The following COL14A1 variants were observed in gnomAD, a reference collection of about 807,000 sequenced individuals.
The protein encoded by COL14A1 is collagen alpha-1(XIV) chain.
Under a neutral mutation model 230.3 loss-of-function variants are expected in COL14A1, and 136 were observed. That is an observed-to-expected ratio of 0.59 (90% CI 0.51 to 0.68). COL14A1 has a LOEUF of 0.68. Ranked by LOEUF, COL14A1 falls within the 30% of genes least tolerant of loss-of-function variation. The pLI is 0.00. For missense variants in COL14A1, 1,976 were observed against 2,215.8 expected (o/e 0.89, Z 2.17); for synonymous variants, 792 against 784.1 (o/e 1.01, Z -0.17).
In COL14A1 at chr8:120,193,746, G is replaced by C. The variant is rs184812788; in HGVS notation, c.437-3045G>C. Among the ~76,000 whole-genome samples, 499 of 152,284 alleles carry C rather than the reference G, an allele frequency of 3.3e-3. 5 individuals are homozygous for C. The highest frequency in any genetic ancestry group is 0.01 in the African/African-American group (429 of 41,554). Reference sequence around the variant, plus strand: ...TGGTTTGGTTACCTAAGCAAGCCTGGGCAATGGTGGGTGCCCCTCCCCCAG... The same window carrying C: ...TGGTTTGGTTACCTAAGCAAGCCTGCGCAATGGTGGGTGCCCCTCCCCCAG... On this transcript the variant is annotated intron_variant, in intron 5 of 47. Transcript: ENST00000297848.
chr8:120,136,256 T>A (rs567979702), intron 1 of COL14A1, among the ~76,000 whole-genome samples: 4 of 152,246 alleles, frequency 2.6e-5, no homozygotes, highest in Admixed American at 2.6e-4. Context: ...TTGATGCCCT[T>A]TATTAGATTG....
Position 120,162,453 on chromosome 8 carries a change from A to G in COL14A1, c.233A>G (p.Gln78Arg), listed in dbSNP as rs1815711203. The change falls in exon 4 of 48, where the codon CAG becomes CGG. Residue 78 changes from glutamine (Q) to arginine (R), a missense_variant. Gln to Arg is a conservative substitution (Grantham distance 43). Coordinates refer to ENST00000297848, the MANE Select transcript of COL14A1 (RefSeq NM_021110.4). ...GGAAAAACTAACCAGCTGAATCTGC[A>G]GAACACTGCAACTAAAGCAATTATT... ...SGGKTNQLNL[Q>R]NTATKAIIQG... The G allele has an allele frequency of 6.2e-7, 1 of 1,609,530 alleles. No homozygotes were observed. The highest frequency in any genetic ancestry group is 8.5e-7 in the Non-Finnish European group (1 of 1,178,318).
chr8:120,178,511 A>C (rs1000982995), intron 5 of COL14A1, among the ~76,000 whole-genome samples: 3 of 152,150 alleles, frequency 2.0e-5, no homozygotes, highest in African/African-American at 7.2e-5. Flanking sequence ...AGTCTTTGCT[A>C]TTGTGAACAG....
At chr8:120,166,727 G>A (rs113203803) in intron 4 of COL14A1, among the ~76,000 whole-genome samples, 7 of 152,298 alleles carry the variant, frequency 4.6e-5, no homozygotes, top group African/African-American at 1.4e-4. Flanking sequence ...ACAGGAGGGT[G>A]TAGAGAGACA....
At chr8:120,233,368 C>T (rs1159409699) in intron 19 of COL14A1, among the ~76,000 whole-genome samples, 2 of 152,128 alleles carry the variant, frequency 1.3e-5, no homozygotes, top group Non-Finnish European at 2.9e-5. Flanking sequence ...ATGGTATTGC[C>T]TAGGTTTTCT....
chr8:120,307,757 A>G (rs1183924652), intron 36 of COL14A1, among the ~76,000 whole-genome samples: 1 of 152,224 alleles, frequency 6.6e-6, no homozygotes, highest in Admixed American at 6.5e-5. Context: ...GTAAAGTTTG[A>G]TAATATTCAG....
At chr8:120,224,117 C>A (rs1057171294) in intron 14 of COL14A1, among the ~76,000 whole-genome samples, 2 of 149,586 alleles carry the variant, frequency 1.3e-5, no homozygotes, top group African/African-American at 2.5e-5. Context: ...ACCTCTGTCA[C>A]CCTGGTTCAA....
intron 45 of COL14A1, among the ~76,000 whole-genome samples, chr8:120,355,976 C>A (rs1169549805): frequency 6.6e-6 from 1 of 152,140 alleles, no homozygotes; most frequent in Non-Finnish European, 1.5e-5. Flanking sequence ...TTATTAGGCT[C>A]CAATTGCATC....
intron 42 of COL14A1, among the ~76,000 whole-genome samples, chr8:120,337,360 C>A (rs1044951826): frequency 7.6e-5 from 11 of 145,388 alleles, no homozygotes; most frequent in Non-Finnish European, 1.5e-5. Flanking sequence ...CATACCACTG[C>A]ACTCCAGCCT....
At chr8:120,362,118 G>A (rs541962579) in intron 45 of COL14A1, among the ~76,000 whole-genome samples, 14 of 152,172 alleles carry the variant, frequency 9.2e-5, no homozygotes, top group Non-Finnish European at 1.3e-4. Flanking sequence ...AAGAGCCTTC[G>A]GGTCCAGCTT....
intron 34 of COL14A1, among the ~76,000 whole-genome samples, chr8:120,291,559 C>CAAAAAAAAAA (rs375963111): frequency 4.8e-5 from 2 of 41,606 alleles, no homozygotes; most frequent in African/African-American, 8.5e-5. Flanking sequence ...GACTCCATCT[C>CAAAAAAAAAA]AAAAAAAAAA....
intron 45 of COL14A1, among the ~76,000 whole-genome samples, chr8:120,363,840 GT>G (rs1241766284): frequency 6.6e-6 from 1 of 152,118 alleles, no homozygotes. Context: ...TCACTCATTT[GT>G]TCTTTCATTT....
chr8:120,270,608 T>G (rs1322101449), intron 26 of COL14A1, among the ~76,000 whole-genome samples: 1 of 151,786 alleles, frequency 6.6e-6, no homozygotes, highest in East Asian at 1.9e-4. Flanking sequence ...GGCCATGTAC[T>G]ATACTGTCAT....
chr8:120,258,725 A>G (rs1438184785), intron 23 of COL14A1, among the ~76,000 whole-genome samples: 1 of 152,180 alleles, frequency 6.6e-6, no homozygotes, highest in East Asian at 1.9e-4. Flanking sequence ...CATTTGCCAA[A>G]TTAAATGATA....
At chr8:120,329,668 G>GT (rs1223772895) in intron 40 of COL14A1, among the ~76,000 whole-genome samples, 2 of 152,104 alleles carry the variant, frequency 1.3e-5, no homozygotes, top group Non-Finnish European at 2.9e-5. Context: ...TAGTTAGCAG[G>GT]TCTAAGGACC....
intron 39 of COL14A1, 52 bp from the exon 40 acceptor site, chr8:120,315,892 C>G: frequency 6.3e-7 from 1 of 1,580,474 alleles, no homozygotes; most frequent in Non-Finnish European, 8.7e-7. Context: ...GCTGCGTGAG[C>G]AGATGACTCA....
intron 8 of COL14A1, among the ~76,000 whole-genome samples, chr8:120,201,561 T>C (rs1198873504): frequency 2.0e-5 from 3 of 152,192 alleles, no homozygotes; most frequent in Non-Finnish European, 4.4e-5. Flanking sequence ...ATACGGTAGC[T>C]TCACTTGTAA....
chr8:120,331,079 T>C (rs538389652), intron 40 of COL14A1, among the ~76,000 whole-genome samples: 3 of 125,606 alleles, frequency 2.4e-5, no homozygotes, highest in African/African-American at 6.3e-5. Flanking sequence ...CACTCCAGCC[T>C]GGGCAACAAG....
At chr8:120,368,336 A>C (rs543559127) in intron 46 of COL14A1, among the ~76,000 whole-genome samples, 4 of 152,180 alleles carry the variant, frequency 2.6e-5, no homozygotes, top group African/African-American at 9.6e-5. Context: ...TTTTTCTGAG[A>C]GAGGTTCCTA....
Sources: gnomAD v4.1 joint callset for allele counts (sites outside exome capture counted in the v4.1 genomes callset) on GRCh38, gnomAD v4.1.1 for gene constraint, MANE v1.5 for transcripts, NCBI Gene and HGNC (gene_info 2026-07-23, HGNC 2026-07-21) for gene names.